The following CRACDL variants were observed in gnomAD, a reference collection of about 807,000 sequenced individuals.
The protein encoded by CRACDL is CRACD-like protein.
Under a neutral mutation model 70.6 loss-of-function variants are expected in CRACDL, and 26 were observed. The ratio of observed to expected loss-of-function variants is 0.37; its 90% confidence interval spans 0.27 to 0.51. The LOEUF is 0.51. Ranked by LOEUF, CRACDL falls within the 20% of genes least tolerant of loss-of-function variation. The pLI is 0.94. For synonymous variants in CRACDL, 618 were observed against 615.2 expected (o/e 1.00, Z -0.07); for missense variants, 1,283 against 1,376.9 (o/e 0.93, Z 1.08).
Position 98,794,574 on chromosome 2 carries a change from CT to C in CRACDL, c.2846del (p.Lys949ArgfsTer13), listed in dbSNP as rs745408051. On this transcript the variant is annotated frameshift_variant, in exon 10 of 10. Coordinates refer to ENST00000397899, the MANE Select transcript of CRACDL (RefSeq NM_207362.3). LOFTEE classifies it high-confidence loss of function. ...DQPSWMELAR[K>X]KSQAWSDMPQ... Reference sequence around the variant, plus strand: ...GCATGTCACTCCAAGCTTGAGATTTCTTTCTGGCAAGTTCCATCCAGGATGG... The same window carrying C: ...GCATGTCACTCCAAGCTTGAGATTTCTTCTGGCAAGTTCCATCCAGGATGG... 6.2e-7 allele frequency: 1 copy of C among 1,614,086 alleles called. No homozygotes were observed. Among genetic ancestry groups the C allele is most frequent in the Non-Finnish European group, 8.5e-7 (1 of 1,179,936 alleles).
At chr2:98,860,324 AC>A (rs888191010) in intron 1 of CRACDL, among the ~76,000 whole-genome samples, 3 of 152,178 alleles carry the variant, frequency 2.0e-5, no homozygotes, top group Admixed American at 6.5e-5. Context: ...AATGCAAGGG[AC>A]CTTGCAAAGT....
chr2:98,834,501 G>A (rs1705685291), intron 3 of CRACDL, among the ~76,000 whole-genome samples: 1 of 152,142 alleles, frequency 6.6e-6, no homozygotes, highest in Non-Finnish European at 1.5e-5. Flanking sequence ...GCACTGCATG[G>A]GAAAGGGGGG....
intron 1 of CRACDL, among the ~76,000 whole-genome samples, chr2:98,860,754 G>C (rs72813003): frequency 0.036 from 5,497 of 152,262 alleles, 134 homozygotes; most frequent in Middle Eastern, 0.065. Context: ...CAAAAGAGAA[G>C]ATAGGTAAGT....
intron 1 of CRACDL, among the ~76,000 whole-genome samples, chr2:98,926,855 G>T (rs1708919517): frequency 2.6e-5 from 4 of 152,220 alleles, no homozygotes. Context: ...ACTCAACACG[G>T]CCAGGAAAGG....
chr2:98,884,994 T>G (rs1173544823), intron 1 of CRACDL, among the ~76,000 whole-genome samples: 1 of 152,118 alleles, frequency 6.6e-6, no homozygotes, highest in Non-Finnish European at 1.5e-5. Flanking sequence ...CTTCAAACCT[T>G]GGAACAAGTG....
chr2:98,804,381 A>T (rs114313607), intron 7 of CRACDL, among the ~76,000 whole-genome samples: 35 of 152,372 alleles, frequency 2.3e-4, no homozygotes, highest in Non-Finnish European at 4.0e-4. Flanking sequence ...GCTAAAATAC[A>T]TTTGTAATCC....
rs1409121868 is a variant in CRACDL at position 98,874,368 on chromosome 2, A to G, written c.-10-27558T>C. 2.6e-5 allele frequency among the ~76,000 whole-genome samples: 4 copies of G among 152,212 alleles called. No homozygotes were observed. The South Asian group carries it at 8.3e-4, about 31-fold the overall frequency. On this transcript the variant is annotated intron_variant, in intron 1 of 9. Transcript: ENST00000397899. ...TGTTGCCCCCCTGATGGTTTCTCAC[A>G]GTTCCTTCCAGGTGGACATGGCTCT...
intron 7 of CRACDL, among the ~76,000 whole-genome samples, chr2:98,811,516 C>CAAAAAAAAA (rs1199306759): frequency 4.0e-5 from 2 of 49,650 alleles, no homozygotes; most frequent in Non-Finnish European, 7.7e-5. Context: ...GACTCTGTCT[C>CAAAAAAAAA]AAAAAAAAAA....
chr2:98,818,902 C>T (rs1008680818), intron 7 of CRACDL, among the ~76,000 whole-genome samples: 1 of 152,190 alleles, frequency 6.6e-6, no homozygotes, highest in Non-Finnish European at 1.5e-5. Flanking sequence ...TGCCCCTGCC[C>T]CCAGAGTTGC....
intron 2 of CRACDL, among the ~76,000 whole-genome samples, chr2:98,846,041 A>G (rs1706240155): frequency 6.6e-6 from 1 of 152,198 alleles, no homozygotes; most frequent in South Asian, 2.1e-4. Flanking sequence ...TAAATAAGAG[A>G]GAGATGGAGG....
intron 5 of CRACDL, among the ~76,000 whole-genome samples, chr2:98,828,876 ACAACT>A (rs1379484143): frequency 6.6e-6 from 1 of 152,220 alleles, no homozygotes; most frequent in Admixed American, 6.5e-5. Context: ...GTGGTCACTG[ACAACT>A]CAGGAAGTCA....
At chr2:98,894,112 G>C (rs1451423969) in intron 1 of CRACDL, among the ~76,000 whole-genome samples, 6 of 152,186 alleles carry the variant, frequency 3.9e-5, no homozygotes, top group Non-Finnish European at 2.9e-5. Flanking sequence ...CTCTTCCTCC[G>C]CCAGTGGCGC....
Position 98,846,670 on chromosome 2 carries a change from C to T in CRACDL, c.70+61G>A, listed in dbSNP as rs1419810483. Reference sequence around the variant, plus strand: ...CCCCAAAGGCCTGCCTCTGTCAGTCCCTCTCCCTGCCCCACAACAAAGCAA... The same window carrying T: ...CCCCAAAGGCCTGCCTCTGTCAGTCTCTCTCCCTGCCCCACAACAAAGCAA... On this transcript the variant is annotated intron_variant, in intron 2 of 9. Transcript: ENST00000397899. 1.1e-5 allele frequency: 16 copies of T among 1,404,774 alleles called. No homozygotes were observed. In the East Asian group the frequency reaches 3.7e-4, roughly 32 times the overall value. 87.0% of individuals were successfully genotyped at this position (1,404,774 alleles called of 1,614,324 possible).
intron 1 of CRACDL, among the ~76,000 whole-genome samples, chr2:98,886,726 C>T (rs534032814): frequency 6.6e-6 from 1 of 152,272 alleles, no homozygotes; most frequent in South Asian, 2.1e-4. Context: ...AAATATAAAC[C>T]TTACAGAATT....
intron 7 of CRACDL, among the ~76,000 whole-genome samples, chr2:98,800,087 C>A (rs915354135): frequency 1.3e-5 from 2 of 152,238 alleles, no homozygotes; most frequent in African/African-American, 4.8e-5. Context: ...CATTTCTATT[C>A]TCCTGTTTCA....
At chr2:98,933,149 C>A (rs900295856) in intron 1 of CRACDL, among the ~76,000 whole-genome samples, 3 of 152,150 alleles carry the variant, frequency 2.0e-5, no homozygotes. Flanking sequence ...AGAGCCAGGT[C>A]CCCGCTGTGG....
chr2:98,931,627 GC>G (rs1374862282), intron 1 of CRACDL, among the ~76,000 whole-genome samples: 4 of 152,202 alleles, frequency 2.6e-5, no homozygotes, highest in African/African-American at 9.7e-5. Context: ...ACACACCACA[GC>G]CAGGAGAAGG....
chr2:98,794,527 C>G lies in CRACDL; in HGVS notation c.*5G>C, dbSNP rs779569856. On this transcript the variant is annotated 3_prime_UTR_variant, in exon 10 of 10. Coordinates refer to ENST00000397899, the MANE Select transcript of CRACDL (RefSeq NM_207362.3). ...GTGGACATGCTTTATCAGCACACTGCCCACCTATTTTATAATCTGGGGCAT... is the reference window on the plus strand; with the variant it reads ...GTGGACATGCTTTATCAGCACACTGGCCACCTATTTTATAATCTGGGGCAT... 1 of 1,613,406 alleles carries G rather than the reference C, an allele frequency of 6.2e-7. No individual in the cohort carries two copies. The highest frequency in any genetic ancestry group is 1.3e-5 in the African/African-American group (1 of 74,888).
chr2:98,918,353 C>G (rs1028709397), intron 1 of CRACDL, among the ~76,000 whole-genome samples: 14 of 151,798 alleles, frequency 9.2e-5, no homozygotes, highest in Non-Finnish European at 1.8e-4. Context: ...GCCAACATGA[C>G]AAAACCCTGA....
Sources: gnomAD v4.1 joint callset for allele counts (sites outside exome capture counted in the v4.1 genomes callset) on GRCh38, gnomAD v4.1.1 for gene constraint, MANE v1.5 for transcripts, NCBI Gene and HGNC (gene_info 2026-07-23, HGNC 2026-07-21) for gene names.